Variants in SCN8A observed in about 807,000 individuals in gnomAD.
SCN8A encodes the protein sodium voltage-gated channel alpha subunit 8.
SCN8A carries 30 observed loss-of-function variants against 184.1 expected under a neutral mutation model. The ratio of observed to expected loss-of-function variants is 0.16; its 90% CI spans 0.12 to 0.22. The LOEUF (loss-of-function observed/expected upper bound fraction) is 0.22. Ranked by LOEUF, SCN8A falls within the 10% of genes least tolerant of loss-of-function variation. SCN8A has a pLI of 1.00. For synonymous variants in SCN8A, 852 were observed against 907.0 expected (o/e 0.94, Z 1.09); for missense variants, 1,057 against 2,498.9 (o/e 0.42, Z 12.30).
chr12:51,743,644 T>A (rs2138824310), intron 12 of SCN8A, among the ~76,000 whole-genome samples: 1 of 152,186 alleles, frequency 6.6e-6, no homozygotes, highest in South Asian at 2.1e-4. Flanking sequence ...CAGCACAGGG[T>A]CTCGCCCAAG....
At chr12:51,765,566 A>T in intron 15 of SCN8A, 105 bp from the exon 16 acceptor site, 1 of 716,714 alleles carries the variant, frequency 1.4e-6, no homozygotes, top group Non-Finnish European at 2.2e-6. Flanking sequence ...GGTGCTCAAT[A>T]TATTTAATCT....
chr12:51,703,237 T>TTTTTTG (rs1555219208), intron 9 of SCN8A, among the ~76,000 whole-genome samples: 8 of 150,122 alleles, frequency 5.3e-5, no homozygotes, highest in African/African-American at 1.7e-4. Flanking sequence ...GGGTTTGTTT[T>TTTTTTG]TTTTGTTTTG....
chr12:51,620,630 T>C (rs984653337), intron 1 of SCN8A, among the ~76,000 whole-genome samples: 3 of 151,890 alleles, frequency 2.0e-5, no homozygotes, highest in Admixed American at 1.3e-4. Context: ...GCATAAAACA[T>C]TCTTGGAATT....
chr12:51,602,748 G>C (rs895214284), intron 1 of SCN8A, among the ~76,000 whole-genome samples: 4 of 152,126 alleles, frequency 2.6e-5, no homozygotes, highest in Non-Finnish European at 4.4e-5. Context: ...CTGCTTTCTA[G>C]TGTGGCTTTG....
rs770066284 is a variant in SCN8A, at chr12:51,702,800, G to A, written c.1020G>A (p.Met340Ile). The A allele has an allele frequency of 1.9e-6, 3 of 1,609,516 alleles. No individual in the cohort carries two copies. Among genetic ancestry groups the A allele is most frequent in the Non-Finnish European group, 2.5e-6 (3 of 1,177,762 alleles). ...AGQCPEGYQC[M>I]KAGRNPNYGY... ...AATGCCCAGAGGGATACCAGTGTAT[G>A]AAAGCAGGAAGGAACCCCAACTATG... The change falls in exon 9 of 27, where the codon ATG becomes ATA. Residue 340 changes from methionine (M) to isoleucine (I), a missense_variant. This residue lies in a region of SCN8A where 27 missense variants were observed against 150.1 expected (regional missense o/e 0.18). Transcript: ENST00000627620.
chr12:51,689,198 G>T (rs767583082), intron 6 of SCN8A, 102 bp downstream of exon 6: 10 of 884,372 alleles, frequency 1.1e-5, no homozygotes, highest in Non-Finnish European at 1.6e-5. Context: ...GTTGATAATG[G>T]CCTTGCATTC....
At chr12:51,683,202 G>A (rs1363617992) in intron 2 of SCN8A, among the ~76,000 whole-genome samples, 1 of 152,192 alleles carries the variant, frequency 6.6e-6, no homozygotes, top group African/African-American at 2.4e-5. Context: ...TAAAAGTACA[G>A]TTTTATTCAG....
At chr12:51,718,516 C>T (rs1362301392) in intron 11 of SCN8A, among the ~76,000 whole-genome samples, 3 of 150,558 alleles carry the variant, frequency 2.0e-5, no homozygotes, top group Admixed American at 2.0e-4. Flanking sequence ...GTTGCCCTTG[C>T]AATACATACT....
intron 6 of SCN8A, 118 bp downstream of exon 6, chr12:51,689,214 G>GT: frequency 1.3e-6 from 1 of 799,356 alleles, no homozygotes; most frequent in Non-Finnish European, 2.0e-6. Flanking sequence ...CATTCTGCAT[G>GT]TTTTTCCTGG....
intron 9 of SCN8A, among the ~76,000 whole-genome samples, chr12:51,704,814 A>T (rs1445426808): frequency 6.6e-6 from 1 of 151,368 alleles, no homozygotes; most frequent in Non-Finnish European, 1.5e-5. Context: ...CTCTACTAAA[A>T]ATACAAAAAA....
intron 1 of SCN8A, among the ~76,000 whole-genome samples, chr12:51,621,683 A>G (rs544982725): frequency 1.3e-5 from 2 of 152,330 alleles, no homozygotes; most frequent in South Asian, 4.1e-4. Flanking sequence ...AGTAGTGAGT[A>G]AGAAGGAAGG....
At chr12:51,651,207 T>C (rs1306331566) in intron 1 of SCN8A, among the ~76,000 whole-genome samples, 2 of 152,152 alleles carry the variant, frequency 1.3e-5, no homozygotes, top group Non-Finnish European at 2.9e-5. Context: ...GCAGAGATTT[T>C]GTTTATGGCC....
At chr12:51,674,401 C>T (rs1418267016) in intron 2 of SCN8A, among the ~76,000 whole-genome samples, 2 of 152,060 alleles carry the variant, frequency 1.3e-5, no homozygotes, top group African/African-American at 2.4e-5. Context: ...GGCACAGTCT[C>T]GGCTCACTGC....
intron 14 of SCN8A, among the ~76,000 whole-genome samples, chr12:51,754,233 A>G (rs577527700): frequency 6.6e-6 from 1 of 152,142 alleles, no homozygotes; most frequent in Non-Finnish European, 1.5e-5. Context: ...CCTTTTTTGC[A>G]ACTAACTGAA....
In SCN8A at chr12:51,632,987, A is replaced by G. The variant is rs186005514; in HGVS notation, c.-54-29777A>G. Among the ~76,000 whole-genome samples the G allele has an allele frequency of 1.5e-3, 235 of 152,304 alleles. 2 individuals carry two copies. Among genetic ancestry groups the G allele is most frequent in the Non-Finnish European group, 2.2e-4 (15 of 68,036 alleles). On this transcript the variant is annotated intron_variant, in intron 1 of 26. Coordinates refer to ENST00000627620, the MANE Select transcript of SCN8A (RefSeq NM_001330260.2). ...GAGCTTTATATTTCTGATCTATACAATAAGAATAATAACAACATCTGCCTG... is the reference window on the plus strand; with the variant it reads ...GAGCTTTATATTTCTGATCTATACAGTAAGAATAATAACAACATCTGCCTG...
chr12:51,728,830 C>T (rs1942195604), intron 12 of SCN8A, among the ~76,000 whole-genome samples: 1 of 152,000 alleles, frequency 6.6e-6, no homozygotes, highest in Non-Finnish European at 1.5e-5. Flanking sequence ...TTAGATTCAA[C>T]CAGAGACAGC....
At chr12:51,739,738 C>G (rs1051604125) in intron 12 of SCN8A, among the ~76,000 whole-genome samples, 5 of 152,126 alleles carry the variant, frequency 3.3e-5, no homozygotes, top group Admixed American at 6.5e-5. Flanking sequence ...GATTTGAGCC[C>G]CCACGAATGG....
In SCN8A at chr12:51,711,880, G is replaced by A. The variant is rs1226707790; in HGVS notation, c.1635+5165G>A. On this transcript the variant is annotated intron_variant, in intron 11 of 26. Transcript: ENST00000627620. ...CACGTCAGTACCCATTCATATAGTG[G>A]TTTGGAAATGGGGAGAATAGATTCC... Among the ~76,000 whole-genome samples, 3 of 152,072 alleles carry A rather than the reference G, an allele frequency of 2.0e-5. No individual in the cohort carries two copies. The East Asian group carries it at 5.8e-4, about 29-fold the overall frequency.
chr12:51,712,637 C>G (rs1941898026), intron 11 of SCN8A: 1 of 786,138 alleles, frequency 1.3e-6, no homozygotes, highest in Non-Finnish European at 2.3e-6. Flanking sequence ...ACCATAGTTA[C>G]CACCGCCAAA....
Sources: gnomAD v4.1 joint callset for allele counts (sites outside exome capture counted in the v4.1 genomes callset) on GRCh38, gnomAD v4.1.1 for gene constraint, gnomAD v4.1.1 regional missense constraint, MANE v1.5 for transcripts, NCBI Gene and HGNC (gene_info 2026-07-23, HGNC 2026-07-21) for gene names.